The following KIF5A variants were observed in gnomAD, a reference collection of about 807,000 sequenced individuals.
KIF5A encodes the protein kinesin heavy chain isoform 5A.
A neutral mutation model predicts 141.3 loss-of-function variants in KIF5A; 35 were observed. The ratio of observed to expected loss-of-function variants is 0.25; its 90% CI spans 0.19 to 0.33. The LOEUF (loss-of-function observed/expected upper bound fraction) is 0.33. Among genes scored for constraint, KIF5A ranks in the 10% least tolerant of loss-of-function variants. The pLI, the probability that KIF5A is intolerant of heterozygous loss-of-function variation, is 1.00. For synonymous variants in KIF5A, 448 were observed against 500.2 expected (o/e 0.90, Z 1.39); for missense variants, 861 against 1,314.3 (o/e 0.66, Z 5.33).
intron 7 of KIF5A, 36 bp from the exon 8 acceptor site, chr12:57,567,458 G>T: frequency 6.2e-7 from 1 of 1,611,308 alleles, no homozygotes; most frequent in Non-Finnish European, 8.5e-7. Flanking sequence ...AGTTCTGCAG[G>T]GTGGTGCAGG....
chr12:57,583,442 A>G (rs369181022), intron 28 of KIF5A, among the ~76,000 whole-genome samples: 4 of 152,134 alleles, frequency 2.6e-5, no homozygotes, highest in Non-Finnish European at 4.4e-5. Context: ...GTTAGGCTAC[A>G]GTGGTAACCA....
chr12:57,570,276 C>A, intron 12 of KIF5A, 114 bp downstream of exon 12: 3 of 886,572 alleles, frequency 3.4e-6, no homozygotes, highest in Admixed American at 2.3e-5. Flanking sequence ...AATGCTTATG[C>A]TTGAAATGTG....
chr12:57,572,545 A>G lies in KIF5A; in HGVS notation c.1570-35A>G, dbSNP rs376761233. The G allele has an allele frequency of 1.7e-5, 28 of 1,613,840 alleles. No individual in the cohort carries two copies. The African/African-American group carries it at 3.3e-4, about 19-fold the overall frequency. ...CTGGGCTGGGCAAGGGAGCAGGAGG[A>G]TGGCAACAGGAATGACCTGAGGGGC... On this transcript the variant is annotated intron_variant, in intron 14 of 28. Coordinates refer to ENST00000455537, the MANE Select transcript of KIF5A (RefSeq NM_004984.4). This position sits in a 1 kb window ranked among gnomAD's most constrained non-coding sequence, Gnocchi z 4.2.
intron 25 of KIF5A, 51 bp from the exon 26 acceptor site, chr12:57,581,819 A>T: frequency 1.3e-6 from 2 of 1,503,786 alleles, no homozygotes. Context: ...TGGTCCTCAG[A>T]CTAGTGGAGG....
Position 57,570,143 on chromosome 12 carries a change from A to G in KIF5A, c.1274A>G (p.Tyr425Cys), listed in dbSNP as rs1565699454. 2 of 1,613,946 alleles carry G rather than the reference A, an allele frequency of 1.2e-6. No homozygotes were observed. The highest frequency in any genetic ancestry group is 8.5e-7 in the Non-Finnish European group (1 of 1,180,002). The change falls in exon 12 of 29, where the codon TAT becomes TGT. Residue 425 changes from tyrosine to cysteine, a missense_variant. This residue lies in a region of KIF5A where 167 missense variants were observed against 192.0 expected (regional missense o/e 0.87). Coordinates refer to ENST00000455537, the MANE Select transcript of KIF5A (RefSeq NM_004984.4). ...QKYEEEIRRL[Y>C]KQLDDKDDEI... ...TACGAGGAGGAGATCCGCCGTCTCT[A>G]TAAGCAGCTTGACGACAAGGTGAGG... is the stretch of plus-strand genomic sequence containing the variant.
At chr12:57,554,584 C>T (rs1881675490) in intron 1 of KIF5A, among the ~76,000 whole-genome samples, 1 of 152,200 alleles carries the variant, frequency 6.6e-6, no homozygotes, top group African/African-American at 2.4e-5. Flanking sequence ...GAGCATCTGT[C>T]ATAGTCCTCT....
chr12:57,551,376 G>C (rs927762620), intron 1 of KIF5A, among the ~76,000 whole-genome samples: 1 of 152,132 alleles, frequency 6.6e-6, no homozygotes, highest in Non-Finnish European at 1.5e-5. Context: ...TTCATCCATG[G>C]ATCTGAACCT....
chr12:57,581,583 G>T lies in KIF5A; in HGVS notation c.2909+15G>T, dbSNP rs376256320. 1 of 1,613,664 alleles carries T rather than the reference G, an allele frequency of 6.2e-7. No homozygotes were observed. The highest frequency in any genetic ancestry group is 2.2e-5 in the East Asian group (1 of 44,874). On this transcript the variant is annotated intron_variant, in intron 25 of 28. Coordinates refer to ENST00000455537, the MANE Select transcript of KIF5A (RefSeq NM_004984.4). ...TCAGATATGTAGTGAGTGACCACAC[G>T]TGTGGGTTGGAGTCCCACCCAAAGC...
At position 57,580,887 on chromosome 12, in the gene KIF5A, G is replaced by A. The variant is rs775245; in HGVS notation, c.2539-69G>A. On this transcript the variant is annotated intron_variant, in intron 23 of 28. Transcript: ENST00000455537. ...CTCTCTCCTCACCCCTGTCCCCTAC[G>A]CTCCTCTGGGTGACCGTCTTGGGTC... 135,343 of 1,428,972 alleles carry A rather than the reference G, an allele frequency of 0.095. 7,201 individuals are homozygous for A. The highest frequency in any genetic ancestry group is 0.18 in the African/African-American group (13,163 of 71,328). The allele number at this position is 1,428,972 out of a possible 1,614,324, so 88.5% of individuals were successfully genotyped here. A position where few individuals can be genotyped will look rare whatever the true frequency, so the allele number is the denominator to read the frequency against.
At chr12:57,564,052 A>T in intron 3 of KIF5A, 56 bp from the exon 4 acceptor site, 1 of 1,232,806 alleles carries the variant, frequency 8.1e-7, no homozygotes, top group South Asian at 1.2e-5. Context: ...CATACATCTG[A>T]GTTGTCTCAT....
chr12:57,576,034 T>C, intron 17 of KIF5A, 53 bp from the exon 18 acceptor site: 1 of 1,562,238 alleles, frequency 6.4e-7, no homozygotes, highest in Non-Finnish European at 8.8e-7. Flanking sequence ...AACGTGAAGT[T>C]CTTTCCGAAA....
intron 1 of KIF5A, among the ~76,000 whole-genome samples, chr12:57,551,423 C>T (rs1294893942): frequency 6.6e-6 from 1 of 152,218 alleles, no homozygotes; most frequent in African/African-American, 2.4e-5. Context: ...TCTTCTATCA[C>T]ATTGCCTACC....
In KIF5A at chr12:57,583,046, T is replaced by C. The variant is rs189141503; in HGVS notation, c.3021-55T>C. 18,275 of 1,399,568 alleles carry C rather than the reference T, an allele frequency of 0.013. 173 individuals carry two copies. The highest frequency in any genetic ancestry group is 0.014 in the Non-Finnish European group (13,997 of 993,352). 86.7% of individuals were successfully genotyped at this position (1,399,568 alleles called of 1,614,324 possible). On this transcript the variant is annotated intron_variant, in intron 27 of 28. Coordinates refer to ENST00000455537, the MANE Select transcript of KIF5A (RefSeq NM_004984.4). ...CACTCTCAGAGCAGAGTAACCATGA[T>C]GACAGGAATACTTTAATTTCTATGG...
intron 1 of KIF5A, among the ~76,000 whole-genome samples, chr12:57,555,337 C>A (rs1345938753): frequency 6.6e-6 from 1 of 152,056 alleles, no homozygotes; most frequent in African/African-American, 2.4e-5. Context: ...GCACATTGCC[C>A]ATGGGTTAGC....
intron 23 of KIF5A, 121 bp downstream of exon 23, chr12:57,578,463 T>C: frequency 1.4e-6 from 1 of 722,090 alleles, no homozygotes. Context: ...TGTTCGCTTT[T>C]ACTTTCCCTA....
intron 12 of KIF5A, 93 bp downstream of exon 12, chr12:57,570,255 T>A: frequency 9.1e-7 from 1 of 1,095,844 alleles, no homozygotes; most frequent in Non-Finnish European, 1.3e-6. Context: ...TTTCTGGTTT[T>A]AAAAGGGATA....
At chr12:57,575,465 C>T (rs897373216) in intron 16 of KIF5A, among the ~76,000 whole-genome samples, 175 bp from the exon 17 acceptor site, 2 of 152,110 alleles carry the variant, frequency 1.3e-5, no homozygotes, top group Non-Finnish European at 1.5e-5. Context: ...GGTACTGCCC[C>T]CTGAGCCATG....
At chr12:57,575,001 G>A in intron 15 of KIF5A, 83 bp from the exon 16 acceptor site, 6 of 1,276,378 alleles carry the variant, frequency 4.7e-6, no homozygotes, top group Non-Finnish European at 6.8e-6. Flanking sequence ...ATGTGGGTGT[G>A]TATGGGTAGG....
intron 5 of KIF5A, 59 bp downstream of exon 5, chr12:57,564,567 A>C: frequency 5.2e-5 from 69 of 1,326,242 alleles, no homozygotes; most frequent in Non-Finnish European, 6.6e-5. Context: ...AAGAAAGCTC[A>C]CATTGCATTT....
Sources: allele counts gnomAD v4.1 joint callset (sites outside exome capture counted in the v4.1 genomes callset), GRCh38; gene constraint gnomAD v4.1.1; regional missense constraint gnomAD v4.1.1; non-coding constraint Gnocchi (gnomAD v3.1); transcripts MANE v1.5; gene names NCBI Gene and HGNC (gene_info 2026-07-23, HGNC 2026-07-21).